The following SLC25A25 variants were observed in gnomAD, a reference collection of about 807,000 sequenced individuals.
The protein encoded by SLC25A25 is solute carrier family 25 member 25.
SLC25A25 carries 32 observed loss-of-function variants against 57.7 expected under a neutral mutation model. The observed-to-expected ratio is 0.55, with a 90% CI of 0.42 to 0.74. The LOEUF is 0.74. Among genes scored for constraint, SLC25A25 ranks in the 30% least tolerant of loss-of-function variants. The pLI, the probability that SLC25A25 is intolerant of heterozygous loss-of-function variation, is 0.00. For synonymous variants in SLC25A25, 306 were observed against 291.2 expected (o/e 1.05, Z -0.52); for missense variants, 556 against 701.3 (o/e 0.79, Z 2.34).
At position 128,083,513 on chromosome 9, in the gene SLC25A25, C is replaced by CTTTTTTTTTT. The variant is rs1315501906; in HGVS notation, c.261+14938_261+14947dup. On this transcript the variant is annotated intron_variant, in intron 1 of 10. Coordinates refer to ENST00000373069, the MANE Select transcript of SLC25A25 (RefSeq NM_001330988.2). ...AATATTTCTTTTTTTTTTCTTTTTT[C>CTTTTTTTTTT]TTTTTTTTTTTTTTGAGATGAAGTC... Among the ~76,000 whole-genome samples, 31 of 117,440 alleles carry CTTTTTTTTTT rather than the reference C, an allele frequency of 2.6e-4. 2 individuals carry two copies. Among genetic ancestry groups the CTTTTTTTTTT allele is most frequent in the East Asian group, 4.9e-4 (2 of 4,064 alleles). The allele number at this position is 117,440 out of a possible 152,430, so 77.0% of individuals were successfully genotyped here.
intron 9 of SLC25A25, 110 bp from the exon 10 acceptor site, chr9:128,106,919 C>G: frequency 7.4e-7 from 1 of 1,359,552 alleles, no homozygotes; most frequent in South Asian, 1.4e-5. Context: ...CAGCCAGGCC[C>G]CAGGCGCGGC....
chr9:128,108,545 T>TA lies in SLC25A25; in HGVS notation c.*1101_*1102insA. ...TTGTATTTATTTGAACAGAGTTATG[T>TA]CCTAACTATTTTTATAGATTTGTTT... On this transcript the variant is annotated 3_prime_UTR_variant, in exon 11 of 11. Transcript: ENST00000373069. 3.3e-6 allele frequency: 1 copy of TA among 298,620 alleles called. No homozygotes were observed. Among genetic ancestry groups the TA allele is most frequent in the Non-Finnish European group, 6.1e-6 (1 of 163,444 alleles). The allele number at this position is 298,620 out of a possible 1,614,324, so 18.5% of individuals were successfully genotyped here.
Position 128,103,867 on chromosome 9 carries a change from T to G in SLC25A25, c.783+28T>G. 4 of 1,503,494 alleles carry G rather than the reference T, an allele frequency of 2.7e-6. No homozygotes were observed. Among genetic ancestry groups the G allele is most frequent in the Non-Finnish European group, 3.5e-6 (4 of 1,127,296 alleles). The allele number at this position is 1,503,494 out of a possible 1,614,324, so 93.1% of individuals were successfully genotyped here. A position where few individuals can be genotyped will look rare whatever the true frequency, so the allele number is the denominator to read the frequency against. ...ATGTAGGGAAAAGGCCCCAGACCCC[T>G]GGGGGGCCAGTTTCCACCTGGGGGA... On this transcript the variant is annotated intron_variant, in intron 6 of 10. Coordinates refer to ENST00000373069, the MANE Select transcript of SLC25A25 (RefSeq NM_001330988.2). The surrounding 1 kb of genome is among the most constrained non-coding windows in gnomAD (Gnocchi z 6.7).
At chr9:128,085,630 A>G (rs904242613) in intron 1 of SLC25A25, among the ~76,000 whole-genome samples, 1 of 151,768 alleles carries the variant, frequency 6.6e-6, no homozygotes, top group African/African-American at 2.4e-5. Context: ...CTTTGCATTT[A>G]ATTTGTTCTT....
chr9:128,091,395 G>A (rs1265089740), intron 1 of SLC25A25: 1 of 978,830 alleles, frequency 1.0e-6, no homozygotes, highest in African/African-American at 1.8e-5. Flanking sequence ...TGTCGGCAGA[G>A]GTGATTGGCC....
intron 1 of SLC25A25, among the ~76,000 whole-genome samples, chr9:128,072,807 C>T (rs1832935958): frequency 6.6e-6 from 1 of 152,230 alleles, no homozygotes; most frequent in Non-Finnish European, 1.5e-5. Context: ...CTATTTAAGG[C>T]ATTTTCATGT....
At chr9:128,083,744 TCCTG>T (rs1212907890) in intron 1 of SLC25A25, among the ~76,000 whole-genome samples, 3 of 151,116 alleles carry the variant, frequency 2.0e-5, no homozygotes, top group African/African-American at 7.3e-5. Context: ...GGCCTCTATC[TCCTG>T]ACCTTATGAT....
Position 128,108,097 on chromosome 9 carries a change from G to T in SLC25A25, c.*653G>T, listed in dbSNP as rs1249036929. Reference sequence around the variant, plus strand: ...TCGGGCATGCTTGGGAGTGCAGGGGGCTCGGGCTGCCTGGCCTGGCTGCAC... The same window carrying T: ...TCGGGCATGCTTGGGAGTGCAGGGGTCTCGGGCTGCCTGGCCTGGCTGCAC... On this transcript the variant is annotated 3_prime_UTR_variant, in exon 11 of 11. Transcript: ENST00000373069. The T allele has an allele frequency of 2.5e-6, 1 of 399,568 alleles. No individual in the cohort carries two copies. Among genetic ancestry groups the T allele is most frequent in the Non-Finnish European group, 4.4e-6 (1 of 226,646 alleles). 24.8% of individuals were successfully genotyped at this position (399,568 alleles called of 1,614,324 possible). A position where few individuals can be genotyped will look rare whatever the true frequency, so the allele number is the denominator to read the frequency against.
chr9:128,094,052 A>G (rs540339403), intron 1 of SLC25A25, among the ~76,000 whole-genome samples: 7 of 152,220 alleles, frequency 4.6e-5, no homozygotes, highest in South Asian at 4.2e-4. Flanking sequence ...GGAGGCTGAG[A>G]CAGGAGAATC....
chr9:128,106,299 G>C, intron 8 of SLC25A25, 42 bp downstream of exon 8: 3 of 1,614,062 alleles, frequency 1.9e-6, no homozygotes, highest in Non-Finnish European at 2.5e-6. Flanking sequence ...GTGGGCACAG[G>C]ACTGGGGAGA....
Position 128,102,738 on chromosome 9 carries a change from C to G in SLC25A25, c.624+257C>G, listed in dbSNP as rs112399399. ...GGAACACCCTCCGTCCCCACATGCTCCCTGCTCCCTGCTCCTCATGGGCCA... is the reference window on the plus strand; with the variant it reads ...GGAACACCCTCCGTCCCCACATGCTGCCTGCTCCCTGCTCCTCATGGGCCA... On this transcript the variant is annotated intron_variant, in intron 5 of 10. Coordinates refer to ENST00000373069, the MANE Select transcript of SLC25A25 (RefSeq NM_001330988.2). This position sits in a 1 kb window ranked among gnomAD's most constrained non-coding sequence, Gnocchi z 4.1. 1.1e-3 allele frequency among the ~76,000 whole-genome samples: 170 copies of G among 152,280 alleles called. No homozygotes were observed. Among genetic ancestry groups the G allele is most frequent in the African/African-American group, 3.6e-3 (151 of 41,532 alleles).
At chr9:128,091,722 A>C in intron 1 of SLC25A25, 5 of 1,447,170 alleles carry the variant, frequency 3.5e-6, no homozygotes, top group Non-Finnish European at 4.5e-6. Context: ...CATTTGAAAA[A>C]GCAGGAAACC....
In SLC25A25 at chr9:128,099,099, G is replaced by A. The variant is rs1833680949; in HGVS notation, c.262-1997G>A. 1 of 985,398 alleles carries A rather than the reference G, an allele frequency of 1.0e-6. No individual in the cohort carries two copies. The highest frequency in any genetic ancestry group is 1.2e-6 in the Non-Finnish European group (1 of 829,912). The allele number at this position is 985,398 out of a possible 1,614,324, so 61.0% of individuals were successfully genotyped here. ...GCCCAGGAGTTGAGGGTGCTGCGTG[G>A]TGGAGCTGCCCGTCCCTGGTGTGGG... On this transcript the variant is annotated intron_variant, in intron 1 of 10. Transcript: ENST00000373069. This position sits in a 1 kb window ranked among gnomAD's most constrained non-coding sequence, Gnocchi z 6.8.
At chr9:128,076,703 C>T (rs2417068) in intron 1 of SLC25A25, among the ~76,000 whole-genome samples, 36,257 of 151,544 alleles carry the variant, frequency 0.24, 5,544 homozygotes, top group African/African-American at 0.43. Context: ...CTCCTGACCT[C>T]GTGATCCACC....
At chr9:128,072,505 C>G (rs1832929092) in intron 1 of SLC25A25, among the ~76,000 whole-genome samples, 1 of 152,188 alleles carries the variant, frequency 6.6e-6, no homozygotes, top group Non-Finnish European at 1.5e-5. Context: ...AAAGCCTCTT[C>G]TTAGCTTATA....
At chr9:128,098,786 G>T in intron 1 of SLC25A25, 1 of 1,586,296 alleles carries the variant, frequency 6.3e-7, no homozygotes. Flanking sequence ...TTGAGTGAAT[G>T]GCTGAGCATG....
chr9:128,083,529 A>C (rs1251714377), intron 1 of SLC25A25, among the ~76,000 whole-genome samples: 1 of 14,302 alleles, frequency 7.0e-5, no homozygotes, highest in Admixed American at 7.0e-4. Flanking sequence ...TTTTTTTTTG[A>C]GATGAAGTCT....
rs1319548711 is a variant in SLC25A25, at chr9:128,106,097, C to T, written c.937-53C>T. ...GACTCCTGGAAGGGAGGGGCAGCAG[C>T]AGGTGCCCCAACCTCTGGGTATATC... On this transcript the variant is annotated intron_variant, in intron 7 of 10. Transcript: ENST00000373069. 1.0e-5 allele frequency: 16 copies of T among 1,604,248 alleles called. No individual in the cohort carries two copies. In the South Asian group the frequency reaches 1.7e-4, roughly 17 times the overall value.
chr9:128,102,033 G>GCGTCC lies in SLC25A25; in HGVS notation c.477-44_477-43insCCCGT. On this transcript the variant is annotated intron_variant, in intron 3 of 10. Coordinates refer to ENST00000373069, the MANE Select transcript of SLC25A25 (RefSeq NM_001330988.2). The surrounding 1 kb of genome is among the most constrained non-coding windows in gnomAD (Gnocchi z 4.1). ...CACTAACATGGCTCCGAGCACTTAT[G>GCGTCC]CGTGTTGTTTCTGCTCTCTCCTCCG... is the stretch of plus-strand genomic sequence containing the variant. 6.5e-7 allele frequency: 1 copy of GCGTCC among 1,549,886 alleles called. No homozygotes were observed. The highest frequency in any genetic ancestry group is 8.7e-7 in the Non-Finnish European group (1 of 1,146,402).
Sources: allele counts gnomAD v4.1 joint callset (sites outside exome capture counted in the v4.1 genomes callset), GRCh38; gene constraint gnomAD v4.1.1; non-coding constraint Gnocchi (gnomAD v3.1); transcripts MANE v1.5; gene names NCBI Gene and HGNC (gene_info 2026-07-23, HGNC 2026-07-21).